The following VPS13B variants were observed in gnomAD, a reference collection of about 807,000 sequenced individuals.
VPS13B encodes intermembrane lipid transfer protein VPS13B.
In VPS13B, 285 loss-of-function variants were observed where a neutral mutation model predicts 426.4. That is an observed-to-expected ratio of 0.67 (90% confidence interval 0.61 to 0.74). The LOEUF (loss-of-function observed/expected upper bound fraction) is 0.74. Among genes scored for constraint, VPS13B ranks in the 30% least tolerant of loss-of-function variants. VPS13B has a pLI of 0.00. For missense variants in VPS13B, 4,537 were observed against 4,782.6 expected (o/e 0.95, Z 1.51); for synonymous variants, 1,676 against 1,676.4 (o/e 1.00, Z 0.01).
In VPS13B at chr8:99,544,195, C is replaced by T. The variant is rs1823813349; in HGVS notation, c.4746-12255C>T. On this transcript the variant is annotated intron_variant, in intron 30 of 61. Transcript: ENST00000357162. ...GGATGAAGCTGGAAACCATCATTCT[C>T]AGTAGACTATCGCAAGAACAAAAAA... Among the ~76,000 whole-genome samples the T allele has an allele frequency of 1.3e-5, 2 of 152,074 alleles. 1 individual carries two copies. The highest frequency in any genetic ancestry group is 4.1e-4 in the South Asian group (2 of 4,826).
intron 30 of VPS13B, chr8:99,536,726 T>A (rs774124620): frequency 5.6e-6 from 3 of 534,084 alleles, no homozygotes; most frequent in Non-Finnish European, 1.2e-5. Flanking sequence ...GGACAGCATG[T>A]CTTTGGCATT....
At chr8:99,409,851 A>G (rs1815533286) in intron 21 of VPS13B, among the ~76,000 whole-genome samples, 1 of 152,294 alleles carries the variant, frequency 6.6e-6, no homozygotes. Context: ...GTTGGTCTCT[A>G]TTTTCACTCT....
intron 22 of VPS13B, among the ~76,000 whole-genome samples, chr8:99,441,594 A>G (rs1817678842): frequency 6.6e-6 from 1 of 152,136 alleles, no homozygotes; most frequent in African/African-American, 2.4e-5. Context: ...CCGCTAAGAC[A>G]AATAGACTTT....
At chr8:99,234,348 T>G (rs1816522284) in intron 17 of VPS13B, 3 of 746,104 alleles carry the variant, frequency 4.0e-6, no homozygotes, top group Non-Finnish European at 7.6e-6. Context: ...GCATCCAACA[T>G]CGCCCACTGC....
At chr8:99,421,601 A>G (rs1266155898) in intron 21 of VPS13B, among the ~76,000 whole-genome samples, 7 of 152,144 alleles carry the variant, frequency 4.6e-5, no homozygotes, top group Admixed American at 2.6e-4. Flanking sequence ...CCTCTTTGTC[A>G]TCAGTTTCCC....
intron 5 of VPS13B, among the ~76,000 whole-genome samples, chr8:99,104,324 T>C (rs1460792813): frequency 6.6e-6 from 1 of 152,218 alleles, no homozygotes; most frequent in Non-Finnish European, 1.5e-5. Flanking sequence ...GTTGTTGACT[T>C]AGGTATTGTT....
chr8:99,722,709 A>G (rs186326152), intron 39 of VPS13B, among the ~76,000 whole-genome samples: 1 of 152,110 alleles, frequency 6.6e-6, no homozygotes, highest in African/African-American at 2.4e-5. Context: ...GGGTTTCACC[A>G]TGTTAGCCAG....
chr8:99,545,651 G>A (rs1823929604), intron 30 of VPS13B, among the ~76,000 whole-genome samples: 1 of 152,036 alleles, frequency 6.6e-6, no homozygotes, highest in Admixed American at 6.6e-5. Flanking sequence ...CTCAATTGCT[G>A]AGTATAAGAG....
intron 33 of VPS13B, among the ~76,000 whole-genome samples, chr8:99,624,007 A>ATATAT (rs1206203704): frequency 3.8e-4 from 38 of 101,100 alleles, no homozygotes; most frequent in African/African-American, 7.9e-4. Flanking sequence ...ATATATATAT[A>ATATAT]TTTTTTTTTT....
chr8:99,587,673 A>AT (rs1283694655), intron 33 of VPS13B, among the ~76,000 whole-genome samples: 6 of 150,746 alleles, frequency 4.0e-5, no homozygotes, highest in South Asian at 2.1e-4. Context: ...TGGTTGTTTG[A>AT]TTTTTTCTTG....
At chr8:99,322,492 T>C (rs1242092404) in intron 19 of VPS13B, among the ~76,000 whole-genome samples, 2 of 152,182 alleles carry the variant, frequency 1.3e-5, no homozygotes, top group African/African-American at 4.8e-5. Context: ...AATCTTTCCT[T>C]AAGAGAATAA....
At chr8:99,251,977 GT>G (rs1817531070) in intron 17 of VPS13B, among the ~76,000 whole-genome samples, 1 of 151,266 alleles carries the variant, frequency 6.6e-6, no homozygotes, top group Non-Finnish European at 1.5e-5. Context: ...TCTTATTAGA[GT>G]TTTTTCAGTT....
chr8:99,204,862 C>T (rs1814594796), intron 17 of VPS13B, among the ~76,000 whole-genome samples: 1 of 152,142 alleles, frequency 6.6e-6, no homozygotes, highest in South Asian at 2.1e-4. Flanking sequence ...ACAACAGATG[C>T]TGGAGAGGAT....
rs1821780606 is a variant in VPS13B, at chr8:99,511,418, A to G, written c.4539A>G (p.Thr1513=). 6.2e-7 allele frequency: 1 copy of G among 1,613,700 alleles called. No homozygotes were observed. The highest frequency in any genetic ancestry group is 8.5e-7 in the Non-Finnish European group (1 of 1,179,962). The change falls in exon 29 of 62, where the codon ACA becomes ACG. Residue 1513 remains threonine (T), a synonymous_variant. Coordinates refer to ENST00000357162, the MANE Select transcript of VPS13B (RefSeq NM_152564.5). Reference sequence around the variant, plus strand: ...CTGGTCAGCCCATGAGGACCCATACACTGACATCCCGCAATTTACCTTTGA... The same window carrying G: ...CTGGTCAGCCCATGAGGACCCATACGCTGACATCCCGCAATTTACCTTTGA... ...KSPGQPMRTH[T]LTSRNLPLIY...
chr8:99,577,975 G>A (rs984223727), intron 33 of VPS13B, among the ~76,000 whole-genome samples: 1 of 152,024 alleles, frequency 6.6e-6, no homozygotes, highest in Non-Finnish European at 1.5e-5. Flanking sequence ...CAGTAATAAG[G>A]CCTCTTTTGG....
intron 3 of VPS13B, among the ~76,000 whole-genome samples, chr8:99,084,448 T>G (rs1310789242): frequency 6.6e-6 from 1 of 152,200 alleles, no homozygotes; most frequent in African/African-American, 2.4e-5. Flanking sequence ...TGTGTCTCTG[T>G]TTCCTTCAGT....
At chr8:99,028,736 C>A (rs1842309067) in intron 2 of VPS13B, among the ~76,000 whole-genome samples, 1 of 145,752 alleles carries the variant, frequency 6.9e-6, no homozygotes, top group Non-Finnish European at 1.5e-5. Flanking sequence ...CCCCACCTCC[C>A]TCCTGGACGG....
intron 33 of VPS13B, among the ~76,000 whole-genome samples, chr8:99,583,602 A>C (rs932976581): frequency 3.9e-5 from 6 of 152,162 alleles, no homozygotes; most frequent in Admixed American, 6.5e-5. Flanking sequence ...CTTGTCTTTT[A>C]GTAGAAAGTG....
chr8:99,421,859 TTTGGTAGAG>T (rs1816394639), intron 21 of VPS13B, among the ~76,000 whole-genome samples: 1 of 152,014 alleles, frequency 6.6e-6, no homozygotes, highest in African/African-American at 2.4e-5. Flanking sequence ...TGTAATATTT[TTTGGTAGAG>T]ACAAGGTTTT....
Sources: allele counts gnomAD v4.1 joint callset (sites outside exome capture counted in the v4.1 genomes callset), GRCh38; gene constraint gnomAD v4.1.1; transcripts MANE v1.5; gene names NCBI Gene and HGNC (gene_info 2026-07-23, HGNC 2026-07-21).